NID1: variants seen among roughly 807,000 people sequenced by gnomAD.
NID1 encodes the protein nidogen 1.
In NID1, 76 loss-of-function variants were observed where a neutral mutation model predicts 130.6. That is an observed-to-expected ratio of 0.58 (90% confidence interval 0.48 to 0.70). The LOEUF (loss-of-function observed/expected upper bound fraction) is 0.70. Among genes scored for constraint, NID1 ranks in the 30% least tolerant of loss-of-function variants. NID1 has a pLI of 0.00. For missense variants in NID1, 1,517 were observed against 1,664.8 expected, an observed-to-expected ratio of 0.91 and a Z score of 1.54; for synonymous variants, 665 against 675.1, an observed-to-expected ratio of 0.98 and a Z score of 0.23.
chr1:236,031,621 G>A (rs1002334564), intron 6 of NID1, among the ~76,000 whole-genome samples: 23 of 152,316 alleles, frequency 1.5e-4, no homozygotes, highest in Admixed American at 1.5e-3. Flanking sequence ...GTCGTCGGAG[G>A]CAGTGGCTAG....
At chr1:235,980,329 G>A (rs1657399223) in intron 17 of NID1, among the ~76,000 whole-genome samples, 167 bp downstream of exon 17, 1 of 152,156 alleles carries the variant, frequency 6.6e-6, no homozygotes, top group South Asian at 2.1e-4. Flanking sequence ...ATACAATTTT[G>A]TACCAGTATA....
chr1:235,981,555 T>C, intron 16 of NID1, 56 bp downstream of exon 16: 2 of 1,547,496 alleles, frequency 1.3e-6, no homozygotes, highest in Non-Finnish European at 1.8e-6. Context: ...TCTGAGAATC[T>C]CTAAAAGGGC....
rs1283362638 is a variant in NID1, at chr1:235,979,470, G to A, written c.3509+352C>T. Among the ~76,000 whole-genome samples the A allele has an allele frequency of 6.6e-6, 1 of 152,174 alleles. No homozygotes were observed. Among genetic ancestry groups the A allele is most frequent in the Non-Finnish European group, 1.5e-5 (1 of 68,038 alleles). On this transcript the variant is annotated intron_variant, in intron 18 of 19. Transcript: ENST00000264187. This position sits in a 1 kb window ranked among gnomAD's most constrained non-coding sequence, Gnocchi z 4.6. ...CAGTTTAACAACTATAATGAAGCAG[G>A]GACATGAAGTGGACATGGAGCCCAC...
rs556654897 is a variant in NID1 at position 236,025,729 on chromosome 1, C to G, written c.1984+167G>C. 3.4e-3 allele frequency among the ~76,000 whole-genome samples: 516 copies of G among 152,296 alleles called. 6 individuals carry two copies. The highest frequency in any genetic ancestry group is 0.012 in the African/African-American group (486 of 41,572). On this transcript the variant is annotated intron_variant, in intron 8 of 19. Transcript: ENST00000264187. ...TTTGGTTAGAAGAACAGACAGGCAG[C>G]TTTTCCAAGAATCAAAAATAACAAG...
intron 6 of NID1, among the ~76,000 whole-genome samples, chr1:236,031,336 T>C (rs1470753321): frequency 6.6e-6 from 1 of 152,214 alleles, no homozygotes; most frequent in Non-Finnish European, 1.5e-5. Context: ...TCCAGGATGA[T>C]CTCAATCTCC....
intron 12 of NID1, among the ~76,000 whole-genome samples, chr1:236,004,858 C>G (rs750420237): frequency 2.8e-4 from 43 of 151,036 alleles, no homozygotes; most frequent in Non-Finnish European, 4.9e-4. Flanking sequence ...ACTGGGAAGA[C>G]AGTGCTGAGA....
intron 4 of NID1, among the ~76,000 whole-genome samples, chr1:236,039,309 A>G (rs1361146424): frequency 2.0e-5 from 3 of 151,192 alleles, no homozygotes; most frequent in Non-Finnish European, 4.4e-5. Context: ...AAATATGTAC[A>G]TATATTTTAT....
intron 1 of NID1, among the ~76,000 whole-genome samples, chr1:236,060,098 CAAAA>C (rs773686621): frequency 2.0e-5 from 1 of 50,974 alleles, no homozygotes. Context: ...GACTCAGTCT[CAAAA>C]AAAAAAAAAA....
In NID1 at chr1:236,045,749, G is replaced by A. The variant is rs557643398; in HGVS notation, c.526-66C>T. 1.4e-5 allele frequency: 17 copies of A among 1,256,868 alleles called. No individual in the cohort carries two copies. In the African/African-American group the frequency reaches 1.9e-4, roughly 14 times the overall value. The allele number at this position is 1,256,868 out of a possible 1,614,324, so 77.9% of individuals were successfully genotyped here. A position where few individuals can be genotyped will look rare whatever the true frequency, so the allele number is the denominator to read the frequency against. ...CGATAGATTTTAAAATGTGTTATTC[G>A]CCAGACTATCTATAAAGCGTACAGT... On this transcript the variant is annotated intron_variant, in intron 2 of 19. Transcript: ENST00000264187.
In NID1 at chr1:236,045,511, T is replaced by C; in HGVS notation, c.698A>G (p.Asn233Ser). ...QGSVGFLWKS[N>S]GAYNIFANDR... ...ATTAGCAAATATGTTATAAGCTCCG[T>C]TGCTCTTCCATAAGAATCCCACTGA... is the stretch of plus-strand genomic sequence containing the variant. The change falls in exon 3 of 20, where the codon AAC becomes AGC. Residue 233 changes from asparagine (N) to serine (S), a missense_variant. Physicochemically the swap from Asn to Ser is conservative, Grantham distance 46. Coordinates refer to ENST00000264187, the MANE Select transcript of NID1 (RefSeq NM_002508.3). 6.2e-7 allele frequency: 1 copy of C among 1,614,184 alleles called. No homozygotes were observed. The highest frequency in any genetic ancestry group is 8.5e-7 in the Non-Finnish European group (1 of 1,180,050).
chr1:236,019,705 G>A (rs373409617), intron 9 of NID1, among the ~76,000 whole-genome samples: 14 of 152,058 alleles, frequency 9.2e-5, no homozygotes, highest in East Asian at 5.8e-4. Context: ...AATAGTCCAC[G>A]GTCTTTGCAG....
At position 236,045,440 on chromosome 1, in the gene NID1, G is replaced by A. The variant is rs918858309; in HGVS notation, c.752+17C>T. The A allele has an allele frequency of 1.3e-5, 20 of 1,551,576 alleles. No homozygotes were observed. Among genetic ancestry groups the A allele is most frequent in the Non-Finnish European group, 1.6e-5 (18 of 1,123,696 alleles). On this transcript the variant is annotated intron_variant, in intron 3 of 19. Coordinates refer to ENST00000264187, the MANE Select transcript of NID1 (RefSeq NM_002508.3). ...AATATTAAGAGGAGAATCTACTGAA[G>A]AACAAAGAAAGCATACTTGGCCAAA...
chr1:236,030,049 C>G (rs1659051005), intron 6 of NID1, among the ~76,000 whole-genome samples: 1 of 152,178 alleles, frequency 6.6e-6, no homozygotes, highest in African/African-American at 2.4e-5. Context: ...GTGCTAGGCT[C>G]TGTCTGGGTG....
At chr1:236,023,065 A>G (rs1658811739) in intron 9 of NID1, among the ~76,000 whole-genome samples, 1 of 151,770 alleles carries the variant, frequency 6.6e-6, no homozygotes, top group Non-Finnish European at 1.5e-5. Flanking sequence ...TCTCAAAAAA[A>G]AAAAAAATTA....
chr1:236,048,924 G>C lies in NID1; in HGVS notation c.291C>G (p.Phe97Leu). 6.2e-7 allele frequency: 1 copy of C among 1,614,158 alleles called. No homozygotes were observed. The highest frequency in any genetic ancestry group is 8.5e-7 in the Non-Finnish European group (1 of 1,180,038). Residue 97 changes from phenylalanine (F) to leucine (L), a missense_variant, in exon 2 of 20, where the codon TTC becomes TTG. Physicochemically the swap from Phe to Leu is conservative, Grantham distance 22. Around this residue, in one of 3 missense-constraint regions of NID1, gnomAD observed 1,329 missense variants for 1,429.2 expected, o/e 0.93. Transcript: ENST00000264187. ...PPAKESHPGLFPPTFGAVAPF... is the reference protein window; with the variant it reads ...PPAKESHPGLLPPTFGAVAPF... ...GGGCGACTGCACCGAATGTTGGTGG[G>C]AAGAGCCCGGGATGGGATTCTTTGG...
intron 1 of NID1, among the ~76,000 whole-genome samples, chr1:236,053,721 C>T (rs530680612): frequency 6.6e-6 from 1 of 152,302 alleles, no homozygotes; most frequent in Admixed American, 6.5e-5. Context: ...AGTTCCAGAG[C>T]TTACACATGG....
At chr1:236,043,458 G>T (rs949402671) in intron 3 of NID1, among the ~76,000 whole-genome samples, 1 of 152,132 alleles carries the variant, frequency 6.6e-6, no homozygotes, top group African/African-American at 2.4e-5. Flanking sequence ...CACCCATTTG[G>T]TGTCAGAAGT....
intron 15 of NID1, among the ~76,000 whole-genome samples, chr1:235,983,399 T>A (rs949137060): frequency 6.6e-6 from 1 of 152,226 alleles, no homozygotes; most frequent in Non-Finnish European, 1.5e-5. Context: ...TATTAAAATA[T>A]TTCCCATGTC....
Position 236,048,834 on chromosome 1 carries a change from G to C in NID1, c.381C>G (p.Ser127=), listed in dbSNP as rs1659685282. Residue 127 remains serine, a synonymous_variant, in exon 2 of 20, where the codon TCC becomes TCG. Transcript: ENST00000264187. ...LGKVYYREDL[S]PSITQRAAEC... ...CTGCTGCTCGCTGAGTGATGGAGGG[G>C]GATAAGTCTTCTCGATAATAAACCT... 1 of 1,614,006 alleles carries C rather than the reference G, an allele frequency of 6.2e-7. No homozygotes were observed.
Sources: allele counts gnomAD v4.1 joint callset (sites outside exome capture counted in the v4.1 genomes callset), GRCh38; gene constraint gnomAD v4.1.1; regional missense constraint gnomAD v4.1.1; non-coding constraint Gnocchi (gnomAD v3.1); transcripts MANE v1.5; gene names NCBI Gene and HGNC (gene_info 2026-07-23, HGNC 2026-07-21).